ASIC2: variants seen among roughly 807,000 people sequenced by gnomAD.
ASIC2 encodes acid sensing ion channel subunit 2.
Under a neutral mutation model 57.3 loss-of-function variants are expected in ASIC2, and 25 were observed. The ratio of observed to expected loss-of-function variants is 0.44; its 90% CI spans 0.32 to 0.61. The LOEUF is 0.61. Ranked by LOEUF, ASIC2 falls within the 20% of genes least tolerant of loss-of-function variation. The probability of loss-of-function intolerance (pLI) is 0.06; values close to 1 mark genes in which losing one functional copy is unlikely to be tolerated. For missense variants in ASIC2, 641 were observed against 738.1 expected (o/e 0.87, Z 1.52); for synonymous variants, 319 against 307.5 (o/e 1.04, Z -0.39).
chr17:33,972,822 C>T (rs1366254884), intron 1 of ASIC2, among the ~76,000 whole-genome samples: 5 of 152,208 alleles, frequency 3.3e-5, no homozygotes, highest in East Asian at 1.9e-4. Context: ...ACTTGGGCCC[C>T]GTCGCAGACA....
intron 1 of ASIC2, among the ~76,000 whole-genome samples, chr17:34,078,529 T>C (rs1909754552): frequency 6.6e-6 from 1 of 152,050 alleles, no homozygotes; most frequent in Non-Finnish European, 1.5e-5. Context: ...CTGGTATTTA[T>C]AGCAAGGTAA....
intron 1 of ASIC2, among the ~76,000 whole-genome samples, chr17:33,348,860 C>A (rs1033546563): frequency 2.6e-5 from 4 of 152,004 alleles, no homozygotes; most frequent in African/African-American, 9.7e-5. Flanking sequence ...GCAGGGATCT[C>A]ATGTGTCCCC....
At chr17:33,689,410 C>G (rs775457153) in intron 1 of ASIC2, among the ~76,000 whole-genome samples, 5 of 152,200 alleles carry the variant, frequency 3.3e-5, no homozygotes, top group Admixed American at 6.5e-5. Context: ...AACCTCTACA[C>G]GCTAGATGCC....
intron 1 of ASIC2, among the ~76,000 whole-genome samples, chr17:33,354,345 T>A (rs1361581727): frequency 6.6e-6 from 1 of 152,036 alleles, no homozygotes; most frequent in Non-Finnish European, 1.5e-5. Context: ...CTGGAGGAGA[T>A]CCCTCATCTC....
At chr17:34,049,801 C>T (rs976287415) in intron 1 of ASIC2, among the ~76,000 whole-genome samples, 4 of 152,198 alleles carry the variant, frequency 2.6e-5, no homozygotes, top group African/African-American at 9.6e-5. Context: ...CGACAGGAAT[C>T]CCAAGCTGAT....
intron 1 of ASIC2, among the ~76,000 whole-genome samples, chr17:33,259,513 T>C (rs541797822): frequency 1.3e-5 from 2 of 151,996 alleles, no homozygotes; most frequent in Non-Finnish European, 2.9e-5. Context: ...CCAGACAAGG[T>C]GTGCATATCA....
intron 1 of ASIC2, among the ~76,000 whole-genome samples, chr17:33,791,606 A>G (rs1253886949): frequency 6.6e-6 from 1 of 152,182 alleles, no homozygotes; most frequent in African/African-American, 2.4e-5. Context: ...GTATATAACA[A>G]CATAGTTACT....
intron 1 of ASIC2, among the ~76,000 whole-genome samples, chr17:34,129,626 G>A (rs930357277): frequency 2.0e-5 from 3 of 152,190 alleles, no homozygotes; most frequent in Non-Finnish European, 2.9e-5. Flanking sequence ...GAGACTCACA[G>A]TACCTGTCAA....
intron 1 of ASIC2, among the ~76,000 whole-genome samples, chr17:33,179,547 G>C (rs895129772): frequency 3.3e-5 from 5 of 152,048 alleles, no homozygotes; most frequent in African/African-American, 1.2e-4. Flanking sequence ...AGCCGTTTTG[G>C]GACTCTTTCT....
chr17:33,403,313 A>G (rs1396209355), intron 1 of ASIC2, among the ~76,000 whole-genome samples: 1 of 150,452 alleles, frequency 6.6e-6, no homozygotes, highest in East Asian at 1.9e-4. Flanking sequence ...CACAGCTTCT[A>G]CCTCCACTTC....
intron 1 of ASIC2, among the ~76,000 whole-genome samples, chr17:33,213,419 G>C (rs1158450260): frequency 6.6e-6 from 1 of 152,200 alleles, no homozygotes; most frequent in East Asian, 1.9e-4. Flanking sequence ...GGGTGTGTTA[G>C]TGGCCAGAAC....
chr17:33,313,499 G>T (rs768949920), intron 1 of ASIC2, among the ~76,000 whole-genome samples: 1 of 152,078 alleles, frequency 6.6e-6, no homozygotes, highest in Non-Finnish European at 1.5e-5. Context: ...TCCGTTGTGT[G>T]GTTTATTATA....
intron 3 of ASIC2, among the ~76,000 whole-genome samples, chr17:33,083,194 A>C (rs1598267607): frequency 6.6e-6 from 1 of 152,188 alleles, no homozygotes; most frequent in East Asian, 1.9e-4. Context: ...GATCTTATCT[A>C]TAAGCAAGGC....
chr17:33,794,809 T>C (rs537901728), intron 1 of ASIC2: 26 of 152,334 alleles, frequency 1.7e-4, no homozygotes, highest in African/African-American at 6.3e-4. Flanking sequence ...CAGCCTTTTA[T>C]GATCGAGATC....
chr17:33,236,062 C>G (rs1343807232), intron 1 of ASIC2, among the ~76,000 whole-genome samples: 1 of 152,114 alleles, frequency 6.6e-6, no homozygotes, highest in Admixed American at 6.5e-5. Context: ...GTCTTGATCT[C>G]TTGACCACAT....
intron 1 of ASIC2, among the ~76,000 whole-genome samples, chr17:33,284,256 G>T (rs1053476774): frequency 6.6e-6 from 1 of 152,170 alleles, no homozygotes; most frequent in African/African-American, 2.4e-5. Flanking sequence ...TCATCTATTT[G>T]TTAGCACAGG....
At chr17:33,511,131 C>A (rs149100101) in intron 1 of ASIC2, among the ~76,000 whole-genome samples, 67 of 131,886 alleles carry the variant, frequency 5.1e-4, no homozygotes, top group African/African-American at 1.9e-3. Flanking sequence ...CCCATCCATG[C>A]CCCCTCCAGC....
At chr17:33,273,176 T>A (rs778430257) in intron 1 of ASIC2, among the ~76,000 whole-genome samples, 2 of 152,160 alleles carry the variant, frequency 1.3e-5, no homozygotes, top group African/African-American at 2.4e-5. Context: ...TTAGGAGGAC[T>A]TTTTTTGGTT....
intron 1 of ASIC2, among the ~76,000 whole-genome samples, chr17:33,369,680 GGGACTATATAA>G (rs2141937715): frequency 6.6e-6 from 1 of 150,448 alleles, no homozygotes; most frequent in South Asian, 2.1e-4. Context: ...AAGGGGCAGT[GGGACTATATAA>G]CTCCCCAAGA....
Sources: allele counts gnomAD v4.1 joint callset (sites outside exome capture counted in the v4.1 genomes callset), GRCh38; gene constraint gnomAD v4.1.1; transcripts MANE v1.5; gene names NCBI Gene and HGNC (gene_info 2026-07-23, HGNC 2026-07-21).